CPA6: variants seen among roughly 807,000 people sequenced by gnomAD.
CPA6 encodes the protein carboxypeptidase B.
A neutral mutation model predicts 63.3 loss-of-function variants in CPA6; 58 were observed. The observed-to-expected ratio is 0.92, with a 90% CI of 0.74 to 1.14. CPA6 has a LOEUF of 1.14. CPA6 is among the 50% of genes most tolerant of loss of function. The probability of loss-of-function intolerance (pLI) is 0.00; values close to 1 mark genes in which losing one functional copy is unlikely to be tolerated. For missense variants in CPA6, 565 were observed against 526.6 expected (o/e 1.07, Z -0.71); for synonymous variants, 185 against 179.0 (o/e 1.03, Z -0.27).
chr8:67,694,089 C>T (rs1055162829), intron 1 of CPA6, among the ~76,000 whole-genome samples: 3 of 152,200 alleles, frequency 2.0e-5, no homozygotes, highest in African/African-American at 4.8e-5. Context: ...ATTACTCTGA[C>T]CCATTTACTG....
At chr8:67,493,993 T>A (rs552484446) in intron 6 of CPA6, among the ~76,000 whole-genome samples, 7 of 152,208 alleles carry the variant, frequency 4.6e-5, no homozygotes, top group African/African-American at 9.6e-5. Context: ...TGTAGAAATA[T>A]ATGACTCAAG....
At position 67,546,951 on chromosome 8, in the gene CPA6, A is replaced by G. The variant is rs191730330; in HGVS notation, c.193-28904T>C. ...GCAATTCTTCTGCCTCAGCCTTCCAAGTCACTGGAACTACAGGTGTGAGCC... is the reference window on the plus strand; with the variant it reads ...GCAATTCTTCTGCCTCAGCCTTCCAGGTCACTGGAACTACAGGTGTGAGCC... On this transcript the variant is annotated intron_variant, in intron 2 of 10. Coordinates refer to ENST00000297770, the MANE Select transcript of CPA6 (RefSeq NM_020361.5). 3.3e-3 allele frequency among the ~76,000 whole-genome samples: 499 copies of G among 152,270 alleles called. 6 individuals carry two copies. The highest frequency in any genetic ancestry group is 3.0e-3 in the Non-Finnish European group (202 of 68,012).
intron 6 of CPA6, among the ~76,000 whole-genome samples, chr8:67,495,007 G>A (rs781677212): frequency 6.6e-6 from 1 of 152,186 alleles, no homozygotes; most frequent in Non-Finnish European, 1.5e-5. Context: ...TTGGATAACA[G>A]CAGAGTTTTT....
At chr8:67,487,219 GA>G (rs1811498974) in intron 6 of CPA6, among the ~76,000 whole-genome samples, 1 of 152,052 alleles carries the variant, frequency 6.6e-6, no homozygotes, top group African/African-American at 2.4e-5. Context: ...CCCACCTCAA[GA>G]AAGGTCCCAG....
At chr8:67,485,975 T>C (rs1417164137) in intron 6 of CPA6, among the ~76,000 whole-genome samples, 1 of 152,226 alleles carries the variant, frequency 6.6e-6, no homozygotes, top group African/African-American at 2.4e-5. Context: ...TTTAAAATTA[T>C]CGTGACTATT....
At chr8:67,692,705 A>G (rs776411481) in intron 1 of CPA6, among the ~76,000 whole-genome samples, 2 of 152,232 alleles carry the variant, frequency 1.3e-5, no homozygotes, top group Non-Finnish European at 1.5e-5. Context: ...TGGGTTTATG[A>G]AGTGGCAACA....
intron 2 of CPA6, among the ~76,000 whole-genome samples, chr8:67,536,594 G>T (rs572836367): frequency 6.6e-5 from 10 of 152,242 alleles, no homozygotes; most frequent in African/African-American, 2.4e-4. Context: ...AGGAGTTTTT[G>T]GGCTGAGACG....
At chr8:67,450,065 C>T (rs1327673526) in intron 8 of CPA6, among the ~76,000 whole-genome samples, 2 of 152,058 alleles carry the variant, frequency 1.3e-5, no homozygotes, top group African/African-American at 4.8e-5. Context: ...ATCCAACCAC[C>T]TCAGCCTCCC....
intron 1 of CPA6, among the ~76,000 whole-genome samples, chr8:67,734,404 T>C (rs1225527404): frequency 6.6e-6 from 1 of 151,606 alleles, no homozygotes; most frequent in Non-Finnish European, 1.5e-5. Context: ...GCAGACTAAA[T>C]TTCTCTCCAA....
At chr8:67,741,893 C>T (rs1174144671) in intron 1 of CPA6, among the ~76,000 whole-genome samples, 5 of 152,080 alleles carry the variant, frequency 3.3e-5, no homozygotes, top group Admixed American at 6.6e-5. Flanking sequence ...CCGCCACAAC[C>T]GTAGAAAAAT....
chr8:67,647,671 G>C (rs531798558), intron 1 of CPA6, among the ~76,000 whole-genome samples: 20 of 152,282 alleles, frequency 1.3e-4, no homozygotes, highest in Admixed American at 8.5e-4. Context: ...TCTGCCTAAA[G>C]TCTGGACGCA....
intron 1 of CPA6, among the ~76,000 whole-genome samples, chr8:67,673,462 C>A (rs903889879): frequency 6.7e-6 from 1 of 150,308 alleles, no homozygotes; most frequent in African/African-American, 2.4e-5. Flanking sequence ...GGGCTCATTG[C>A]AAGCTCCGCC....
chr8:67,665,546 G>A (rs2128993520), intron 1 of CPA6, among the ~76,000 whole-genome samples: 1 of 152,312 alleles, frequency 6.6e-6, no homozygotes, highest in African/African-American at 2.4e-5. Flanking sequence ...ACCTCTTCAA[G>A]TTGATCATGG....
At chr8:67,713,099 G>GTGTGTGTA (rs1328463977) in intron 1 of CPA6, among the ~76,000 whole-genome samples, 14 of 55,028 alleles carry the variant, frequency 2.5e-4, no homozygotes, top group Middle Eastern at 0.019. Context: ...GTGTGTGTGT[G>GTGTGTGTA]TATATATATA....
At chr8:67,463,451 A>AAAATAAATAAAT (rs771013655) in intron 8 of CPA6, among the ~76,000 whole-genome samples, 39 of 142,288 alleles carry the variant, frequency 2.7e-4, no homozygotes, top group African/African-American at 1.1e-3. Context: ...CTCTCTCTCA[A>AAAATAAATAAAT]AAATAAATAA....
At chr8:67,728,616 C>T (rs1431977705) in intron 1 of CPA6, among the ~76,000 whole-genome samples, 1 of 152,162 alleles carries the variant, frequency 6.6e-6, no homozygotes, top group East Asian at 1.9e-4. Flanking sequence ...CTTAGGAAAG[C>T]TTTTTAGAAA....
intron 1 of CPA6, among the ~76,000 whole-genome samples, chr8:67,732,205 A>C (rs931124722): frequency 6.6e-6 from 1 of 152,212 alleles, no homozygotes; most frequent in Non-Finnish European, 1.5e-5. Context: ...GAGAGTGGGA[A>C]TATCGCCCTT....
intron 2 of CPA6, among the ~76,000 whole-genome samples, chr8:67,594,553 G>C (rs1308477125): frequency 1.3e-5 from 2 of 152,114 alleles, no homozygotes; most frequent in Admixed American, 6.6e-5. Flanking sequence ...TTTTCACGTA[G>C]TCCCATATTT....
chr8:67,440,910 C>T (rs1810280750), intron 8 of CPA6, among the ~76,000 whole-genome samples: 1 of 152,116 alleles, frequency 6.6e-6, no homozygotes, highest in South Asian at 2.1e-4. Context: ...GGCTTTCTTC[C>T]CTGTGTGTTT....
Sources: allele counts gnomAD v4.1 joint callset (sites outside exome capture counted in the v4.1 genomes callset), GRCh38; gene constraint gnomAD v4.1.1; transcripts MANE v1.5; gene names NCBI Gene and HGNC (gene_info 2026-07-23, HGNC 2026-07-21).